Variants in BIRC2 observed in about 807,000 individuals in gnomAD.
The protein encoded by BIRC2 is baculoviral IAP repeat-containing protein 2.
In BIRC2, 18 loss-of-function variants were observed where a neutral mutation model predicts 60.9. The ratio of observed to expected loss-of-function variants is 0.30; its 90% CI spans 0.20 to 0.44. The LOEUF (loss-of-function observed/expected upper bound fraction) is 0.44, where lower values mean the gene tolerates loss of function less well. BIRC2 is among the 20% of genes least tolerant of loss of function. The pLI, the probability that BIRC2 is intolerant of heterozygous loss-of-function variation, is 1.00. For missense variants in BIRC2, 701 were observed against 728.5 expected (o/e 0.96, Z 0.43); for synonymous variants, 282 against 247.7 (o/e 1.14, Z -1.30).
chr11:102,357,354 T>C (rs1200281806), intron 3 of BIRC2, among the ~76,000 whole-genome samples: 3 of 151,376 alleles, frequency 2.0e-5, no homozygotes, highest in Non-Finnish European at 2.9e-5. Flanking sequence ...TCTTCCTTCT[T>C]CTCCTCCTCT....
intron 3 of BIRC2, among the ~76,000 whole-genome samples, chr11:102,354,019 G>A (rs1951392277): frequency 6.6e-6 from 1 of 152,076 alleles, no homozygotes. Context: ...CCAAAATTCA[G>A]CCCTCCAAAT....
intron 6 of BIRC2, among the ~76,000 whole-genome samples, chr11:102,373,428 G>A (rs1405255204): frequency 2.0e-5 from 3 of 151,812 alleles, no homozygotes; most frequent in Non-Finnish European, 4.4e-5. Flanking sequence ...CACTTATGAA[G>A]CTTAGTTTGG....
chr11:102,374,387 G>C (rs1160860593), intron 6 of BIRC2, among the ~76,000 whole-genome samples: 1 of 148,536 alleles, frequency 6.7e-6, no homozygotes, highest in African/African-American at 2.5e-5. Flanking sequence ...CCTTCTAACA[G>C]ACAGGACCCT....
chr11:102,359,403 TATTA>T (rs763403073), intron 3 of BIRC2, among the ~76,000 whole-genome samples: 1 of 152,218 alleles, frequency 6.6e-6, no homozygotes, highest in Non-Finnish European at 1.5e-5. Flanking sequence ...TTTAGTATAT[TATTA>T]ATTTGATTAT....
At chr11:102,358,687 C>G (rs1422266337) in intron 3 of BIRC2, among the ~76,000 whole-genome samples, 1 of 152,070 alleles carries the variant, frequency 6.6e-6, no homozygotes, top group Non-Finnish European at 1.5e-5. Flanking sequence ...ATACTGTATC[C>G]TCTTGTGGAA....
Position 102,348,670 on chromosome 11 carries a change from C to T in BIRC2, c.-1185C>T, listed in dbSNP as rs766518471. 8 of 367,592 alleles carry T rather than the reference C, an allele frequency of 2.2e-5. No homozygotes were observed. Among genetic ancestry groups the T allele is most frequent in the African/African-American group, 1.1e-4 (5 of 45,652 alleles). 22.8% of individuals were successfully genotyped at this position (367,592 alleles called of 1,614,324 possible). On this transcript the variant is annotated 5_prime_UTR_variant, in exon 2 of 9. Coordinates refer to ENST00000227758, the MANE Select transcript of BIRC2 (RefSeq NM_001166.5). Reference sequence around the variant, plus strand: ...GTAATAAATCCCATTATGGAGATCTCGAAACTTTATAAAGGGATATAGTTT... The same window carrying T: ...GTAATAAATCCCATTATGGAGATCTTGAAACTTTATAAAGGGATATAGTTT...
intron 3 of BIRC2, among the ~76,000 whole-genome samples, chr11:102,357,079 A>G (rs1045264950): frequency 2.0e-5 from 3 of 152,128 alleles, no homozygotes; most frequent in African/African-American, 7.2e-5. Context: ...TTGATATATG[A>G]TTCTTCTAGT....
intron 3 of BIRC2, among the ~76,000 whole-genome samples, chr11:102,353,732 G>A (rs567136515): frequency 2.5e-4 from 31 of 122,524 alleles, no homozygotes; most frequent in African/African-American, 1.0e-3. Flanking sequence ...ATGCTCTTTC[G>A]CAAATTTCAG....
In BIRC2 at chr11:102,377,606, C is replaced by G; in HGVS notation, c.1477C>G (p.His493Asp). 6.2e-7 allele frequency: 1 copy of G among 1,611,522 alleles called. No individual in the cohort carries two copies. The highest frequency in any genetic ancestry group is 8.5e-7 in the Non-Finnish European group (1 of 1,178,980). ...LKANVINKQE[H>D]DIIKQKTQIP... ...GGCCAATGTAATTAATAAACAGGAA[C>G]ATGATATTATTAAACAAAAAACACA... The change falls in exon 7 of 9, where the codon CAT (histidine) becomes GAT (aspartate). Residue 493 changes from histidine (H) to aspartate (D), a missense_variant. By Grantham distance (81) the His-to-Asp change is moderately conservative. This residue lies in a region of BIRC2 where 235 missense variants were observed against 208.9 expected (regional missense o/e 1.12). Coordinates refer to ENST00000227758, the MANE Select transcript of BIRC2 (RefSeq NM_001166.5).
At chr11:102,361,353 T>G (rs1425267010) in intron 3 of BIRC2, among the ~76,000 whole-genome samples, 1 of 152,018 alleles carries the variant, frequency 6.6e-6, no homozygotes, top group African/African-American at 2.4e-5. Flanking sequence ...AGTGTGTGAT[T>G]AGAGCAGCCA....
In BIRC2 at chr11:102,363,943, G is replaced by A. The variant is rs534351394; in HGVS notation, c.1123+227G>A. Among the ~76,000 whole-genome samples, 139 of 151,270 alleles carry A rather than the reference G, an allele frequency of 9.2e-4. 1 individual carries two copies. The highest frequency in any genetic ancestry group is 2.9e-3 in the African/African-American group (119 of 41,178). ...GATGTGCCTGTAGTCTCAGCTACTCGGGAGGCTGAGGCAGGAGAATTGCTT... is the reference window on the plus strand; with the variant it reads ...GATGTGCCTGTAGTCTCAGCTACTCAGGAGGCTGAGGCAGGAGAATTGCTT... On this transcript the variant is annotated intron_variant, in intron 5 of 8. Coordinates refer to ENST00000227758, the MANE Select transcript of BIRC2 (RefSeq NM_001166.5).
At chr11:102,354,674 A>G (rs544893016) in intron 3 of BIRC2, among the ~76,000 whole-genome samples, 1 of 152,326 alleles carries the variant, frequency 6.6e-6, no homozygotes, top group Non-Finnish European at 1.5e-5. Context: ...CAACCTCTAT[A>G]CTGTTTTCCA....
At chr11:102,364,178 C>CAT (rs1565335647) in intron 5 of BIRC2, among the ~76,000 whole-genome samples, 135 of 62,722 alleles carry the variant, frequency 2.2e-3, no homozygotes, top group African/African-American at 0.012. Context: ...TATATATACA[C>CAT]ACACACACAG....
chr11:102,365,375 A>G (rs1246104611), intron 5 of BIRC2, among the ~76,000 whole-genome samples: 1 of 152,124 alleles, frequency 6.6e-6, no homozygotes, highest in Non-Finnish European at 1.5e-5. Context: ...TTCAGCTATT[A>G]CCTTATTACT....
At chr11:102,376,529 G>A (rs1951716160) in intron 6 of BIRC2, among the ~76,000 whole-genome samples, 1 of 152,068 alleles carries the variant, frequency 6.6e-6, no homozygotes, top group Non-Finnish European at 1.5e-5. Context: ...TTGTAGAGAT[G>A]TACTTTTTAA....
At chr11:102,374,906 T>C (rs1019999367) in intron 6 of BIRC2, among the ~76,000 whole-genome samples, 1 of 152,218 alleles carries the variant, frequency 6.6e-6, no homozygotes, top group African/African-American at 2.4e-5. Flanking sequence ...AAGCGCAATA[T>C]TCGGGTGGGA....
At position 102,353,704 on chromosome 11, in the gene BIRC2, G is replaced by A. The variant is rs1315997926; in HGVS notation, c.995+2761G>A. ...CTTTTTTTTTTTTTTTTTTTTTTTT[G>A]GTGAGAACTCTTAAAAGATGCTCTT... On this transcript the variant is annotated intron_variant, in intron 3 of 8. Transcript: ENST00000227758. 2.6e-4 allele frequency among the ~76,000 whole-genome samples: 7 copies of A among 27,258 alleles called. No individual in the cohort carries two copies. The South Asian group carries it at 6.6e-3, about 26-fold the overall frequency. 17.9% of individuals were successfully genotyped at this position (27,258 alleles called of 152,430 possible). A position where few individuals can be genotyped will look rare whatever the true frequency, so the allele number is the denominator to read the frequency against.
rs750659341 is a variant in BIRC2 at position 102,349,872 on chromosome 11, C to T, written c.18C>T (p.Ser6=). ...ACCTACTCATGCACAAAACTGCCTC[C>T]CAAAGACTTTTCCCAGGTCCCTCGT... MHKTA[S]QRLFPGPSYQ... is the part of the protein sequence containing the mutation. The change falls in exon 2 of 9, where the codon TCC becomes TCT. Residue 6 remains serine (S), a synonymous_variant. Transcript: ENST00000227758. 2.5e-6 allele frequency: 4 copies of T among 1,607,562 alleles called. No individual in the cohort carries two copies. Among genetic ancestry groups the T allele is most frequent in the Non-Finnish European group, 3.4e-6 (4 of 1,176,142 alleles).
intron 6 of BIRC2, among the ~76,000 whole-genome samples, chr11:102,375,948 C>G (rs1951708039): frequency 6.7e-6 from 1 of 149,780 alleles, no homozygotes; most frequent in Admixed American, 6.6e-5. Context: ...TAACACAGCT[C>G]CTAGCACGTC....
Sources: gnomAD v4.1 joint callset for allele counts (sites outside exome capture counted in the v4.1 genomes callset) on GRCh38, gnomAD v4.1.1 for gene constraint, gnomAD v4.1.1 regional missense constraint, MANE v1.5 for transcripts, NCBI Gene and HGNC (gene_info 2026-07-23, HGNC 2026-07-21) for gene names.